Variants in CELF2 observed in about 807,000 individuals in gnomAD.
CELF2 encodes CUGBP Elav-like family member 2, also known as CUG triplet repeat RNA-binding protein 2.
CELF2 carries 8 observed loss-of-function variants against 62.6 expected under a neutral mutation model. The observed-to-expected ratio is 0.13, with a 90% CI of 0.07 to 0.23. CELF2 has a LOEUF of 0.23. Among genes scored for constraint, CELF2 ranks in the 10% least tolerant of loss-of-function variants. The pLI, the probability that CELF2 is intolerant of heterozygous loss-of-function variation, is 1.00. For missense variants in CELF2, 333 were observed against 671.0 expected (o/e 0.50, Z 5.56); for synonymous variants, 258 against 250.0 (o/e 1.03, Z -0.30).
chr10:10,500,686 A>G, the CELF2 span, among the ~76,000 whole-genome samples: 4 of 152,196 alleles, frequency 2.6e-5, no homozygotes, highest in Non-Finnish European at 5.9e-5. Context: ...CTAATACACT[A>G]TAGTACAACA....
rs73575611 is a variant in CELF2, at chr10:11,093,583, G to A, written c.75-71903G>A. ...AAGTCATCAAATTGAGTGTCATAGT[G>A]AAACTGTTCCTATATGTCAAGCAAA... On this transcript the variant is annotated intron_variant, in intron 1 of 12. Transcript: ENST00000633077. 8.7e-3 allele frequency among the ~76,000 whole-genome samples: 1,327 copies of A among 152,268 alleles called. 16 individuals carry two copies. The highest frequency in any genetic ancestry group is 0.03 in the African/African-American group (1,244 of 41,556).
chr10:11,017,715 G>A (rs1238838685), upstream of CELF2, among the ~76,000 whole-genome samples: 2 of 152,036 alleles, frequency 1.3e-5, no homozygotes, highest in Non-Finnish European at 2.9e-5. This position sits in a 1 kb window ranked among gnomAD's most constrained non-coding sequence, Gnocchi z 5.5. Flanking sequence ...GTTTGCCTTC[G>A]GGGGCCCAGG....
At chr10:10,837,205 T>C (rs1017129270) in intron 1 of CELF2, among the ~76,000 whole-genome samples, 5 of 152,106 alleles carry the variant, frequency 3.3e-5, no homozygotes, top group Admixed American at 3.3e-4. Flanking sequence ...GAATCATGGG[T>C]GTGGTTTCCT....
intron 7 of CELF2, among the ~76,000 whole-genome samples, chr10:11,272,271 T>C (rs2084100810): frequency 6.6e-6 from 1 of 152,270 alleles, no homozygotes; most frequent in African/African-American, 2.4e-5. Context: ...TGCTAAAATC[T>C]ATATTTGCTC....
rs2062790051 is a variant in CELF2, at chr10:11,046,114, T to C, written c.74+27951T>C. Among the ~76,000 whole-genome samples, 1 of 152,150 alleles carries C rather than the reference T, an allele frequency of 6.6e-6. No homozygotes were observed. The highest frequency in any genetic ancestry group is 2.1e-4 in the South Asian group (1 of 4,826). ...AGCTGTCTACACCTTCCAGCTCTGT[T>C]CTATTTGCTGCTGTTTAATGTTTTC... On this transcript the variant is annotated intron_variant, in intron 1 of 12. Coordinates refer to ENST00000633077, the MANE Select transcript of CELF2 (RefSeq NM_001326342.2). This position sits in a 1 kb window ranked among gnomAD's most constrained non-coding sequence, Gnocchi z 4.6.
Position 10,921,011 on chromosome 10 carries a change from G to A in CELF2, c.89+1012G>A, listed in dbSNP as rs1797006892. Among the ~76,000 whole-genome samples the A allele has an allele frequency of 2.6e-5, 4 of 152,278 alleles. No homozygotes were observed. The South Asian group carries it at 6.2e-4, about 24-fold the overall frequency. On this transcript the variant is annotated intron_variant, in intron 2 of 13. Coordinates refer to the CELF2 transcript ENST00000636488. ...ACGCTTTCACCCAGGCTGGAGTGCA[G>A]TGGTGCAGTCTCAACTCACTGCAAC...
At chr10:10,975,339 A>G (rs2136258593) in intron 2 of CELF2, among the ~76,000 whole-genome samples, 1 of 152,248 alleles carries the variant, frequency 6.6e-6, no homozygotes, top group Admixed American at 6.5e-5. Context: ...GCTGGTGTCA[A>G]ACTCCTGGGC....
the CELF2 span, among the ~76,000 whole-genome samples, chr10:10,712,612 C>T: frequency 3.3e-5 from 5 of 152,130 alleles, no homozygotes; most frequent in Admixed American, 6.5e-5. Flanking sequence ...CTACTGAGAC[C>T]AGTATTCAGA....
chr10:11,107,005 G>A (rs1177834245), intron 1 of CELF2, among the ~76,000 whole-genome samples: 1 of 152,194 alleles, frequency 6.6e-6, no homozygotes. Flanking sequence ...GATTGCAGAG[G>A]GAGCCCAGCC....
At chr10:11,076,235 G>C (rs371131033) in intron 1 of CELF2, among the ~76,000 whole-genome samples, 4 of 151,728 alleles carry the variant, frequency 2.6e-5, no homozygotes, top group African/African-American at 7.3e-5. Flanking sequence ...ACTCCTCCTC[G>C]AGAAAGATTA....
chr10:10,531,948 A>G, the CELF2 span, among the ~76,000 whole-genome samples: 10 of 152,180 alleles, frequency 6.6e-5, no homozygotes, highest in Non-Finnish European at 1.2e-4. Context: ...ATTAATGGCT[A>G]TATTGACTCT....
In CELF2 at chr10:11,258,203, A is replaced by G. The variant is rs185416625; in HGVS notation, c.538+331A>G. ...GCAAGAAGGAGAAGTAGAAAATGAGAAAGGATATTTGTTGTTTTCATCTTA... is the reference window on the plus strand; with the variant it reads ...GCAAGAAGGAGAAGTAGAAAATGAGGAAGGATATTTGTTGTTTTCATCTTA... On this transcript the variant is annotated intron_variant, in intron 5 of 12. Transcript: ENST00000633077. Among the ~76,000 whole-genome samples, 35 of 152,302 alleles carry G rather than the reference A, an allele frequency of 2.3e-4. 1 individual carries two copies. The East Asian group carries it at 6.6e-3, about 29-fold the overall frequency.
the CELF2 span, among the ~76,000 whole-genome samples, chr10:10,645,142 G>A: frequency 3.3e-5 from 5 of 152,154 alleles, no homozygotes; most frequent in Non-Finnish European, 7.3e-5. Flanking sequence ...CTTATTCAGG[G>A]GGGATGAGAT....
chr10:11,205,619 C>T (rs1565289801), intron 2 of CELF2, among the ~76,000 whole-genome samples: 1 of 152,174 alleles, frequency 6.6e-6, no homozygotes. Flanking sequence ...GTACCAGCCT[C>T]ACTGCAAGGA....
chr10:10,961,396 T>C (rs937931126), intron 2 of CELF2, among the ~76,000 whole-genome samples: 1 of 152,212 alleles, frequency 6.6e-6, no homozygotes, highest in Non-Finnish European at 1.5e-5. Context: ...CAGGTGAATT[T>C]CTTGGTTTTA....
intron 1 of CELF2, among the ~76,000 whole-genome samples, chr10:11,094,282 T>G (rs2142086957): frequency 6.6e-6 from 1 of 152,368 alleles, no homozygotes; most frequent in Admixed American, 6.5e-5. Flanking sequence ...AATCTGCTGT[T>G]TTTCTAAAAT....
In CELF2 at chr10:11,275,095, G is replaced by A. The variant is rs267602362; in HGVS notation, c.816G>A (p.Ala272=). The A allele has an allele frequency of 3.4e-5, 55 of 1,614,164 alleles. No individual in the cohort carries two copies. The highest frequency in any genetic ancestry group is 2.3e-4 in the Admixed American group (14 of 60,024). The part of the protein sequence containing the change: ...QQATSSSNLG[A]FSGIQQMAGM... ...CCACCTCCTCCAGCAACCTGGGTGC[G>A]TTCAGCGGCATTCAACAAATGGCAG... The change falls in exon 8 of 13, where the codon GCG becomes GCA. Residue 272 remains alanine, a synonymous_variant. Transcript: ENST00000633077.
the CELF2 span, among the ~76,000 whole-genome samples, chr10:10,654,052 C>T: frequency 1.7e-3 from 257 of 149,752 alleles, 1 homozygote; most frequent in Non-Finnish European, 2.0e-3. Context: ...ACTGATCCCA[C>T]AGAAATACAA....
chr10:11,190,775 T>TAAAAA (rs11301213), intron 2 of CELF2, among the ~76,000 whole-genome samples: 2,222 of 53,996 alleles, frequency 0.041, 75 homozygotes, highest in Non-Finnish European at 0.046. Context: ...CTCTTTTCTT[T>TAAAAA]AAAAAAAAAA....
Sources: allele counts gnomAD v4.1 joint callset (sites outside exome capture counted in the v4.1 genomes callset), GRCh38; gene constraint gnomAD v4.1.1; non-coding constraint Gnocchi (gnomAD v3.1); transcripts MANE v1.5; gene names NCBI Gene and HGNC (gene_info 2026-07-23, HGNC 2026-07-21).